Variants in DPY19L2 observed in about 807,000 individuals in gnomAD.
DPY19L2 encodes dpy-19 like 2.
DPY19L2 carries 34 observed loss-of-function variants against 97.9 expected under a neutral mutation model. That is an observed-to-expected ratio of 0.35 (90% CI 0.26 to 0.46). The LOEUF (loss-of-function observed/expected upper bound fraction) is 0.46. Ranked by LOEUF, DPY19L2 falls within the 20% of genes least tolerant of loss-of-function variation. The probability of loss-of-function intolerance (pLI) is 1.00; values close to 1 mark genes in which losing one functional copy is unlikely to be tolerated. For missense variants in DPY19L2, 623 were observed against 911.4 expected (o/e 0.68, Z 4.07); for synonymous variants, 230 against 307.9 (o/e 0.75, Z 2.65).
intron 4 of DPY19L2, among the ~76,000 whole-genome samples, chr12:63,650,573 T>C (rs999377603): frequency 3.9e-5 from 6 of 152,026 alleles, no homozygotes; most frequent in African/African-American, 7.2e-5. Flanking sequence ...TCATTCACAA[T>C]AGCCACAAAA....
At chr12:63,607,144 T>G (rs1209300007) in intron 12 of DPY19L2, among the ~76,000 whole-genome samples, 1 of 152,290 alleles carries the variant, frequency 6.6e-6, no homozygotes, top group Non-Finnish European at 1.5e-5. Context: ...GGTCAATTCA[T>G]GTTCTTTCCA....
At chr12:63,645,173 A>ATACTT (rs1893242167) in intron 5 of DPY19L2, among the ~76,000 whole-genome samples, 2 of 152,176 alleles carry the variant, frequency 1.3e-5, no homozygotes, top group South Asian at 4.1e-4. Flanking sequence ...TGGTATAAAC[A>ATACTT]TACTTTTCTT....
At chr12:63,605,678 C>G (rs1052101498) in intron 12 of DPY19L2, among the ~76,000 whole-genome samples, 1 of 152,078 alleles carries the variant, frequency 6.6e-6, no homozygotes, top group Admixed American at 6.5e-5. Context: ...GATTCCAAGG[C>G]TAGCACAAGG....
chr12:63,646,374 A>G (rs1256172451), intron 5 of DPY19L2, among the ~76,000 whole-genome samples: 2 of 152,092 alleles, frequency 1.3e-5, no homozygotes, highest in Non-Finnish European at 2.9e-5. Flanking sequence ...AATCCTTTAC[A>G]TTGTACACAA....
At chr12:63,600,611 CTTT>C (rs71434019) in intron 12 of DPY19L2, among the ~76,000 whole-genome samples, 544 of 110,560 alleles carry the variant, frequency 4.9e-3, no homozygotes, top group African/African-American at 0.012. Flanking sequence ...TATCCTAAAT[CTTT>C]TTTTTTTTTT....
chr12:63,637,389 C>A (rs1021249344), intron 6 of DPY19L2, among the ~76,000 whole-genome samples: 3 of 151,246 alleles, frequency 2.0e-5, no homozygotes, highest in African/African-American at 7.3e-5. Context: ...GATAGAGACA[C>A]AAAAAACTCT....
At chr12:63,653,233 A>G (rs10878070) in intron 4 of DPY19L2, among the ~76,000 whole-genome samples, 94,083 of 151,638 alleles carry the variant, frequency 0.62, 29,353 homozygotes, top group East Asian at 0.74. Flanking sequence ...GGAAGGAGAC[A>G]GGAAAGAGGC....
chr12:63,563,048 CA>C lies in DPY19L2; in HGVS notation c.2127-2387del, dbSNP rs1876932443. ...CTGACCTCAGGTGATCCACCCGCCT[CA>C]GCCTCCTCAAATCCTGGGATTACAG... is the stretch of plus-strand genomic sequence containing the variant. On this transcript the variant is annotated intron_variant, in intron 21 of 21. Coordinates refer to ENST00000324472, the MANE Select transcript of DPY19L2 (RefSeq NM_173812.5). Among the ~76,000 whole-genome samples the C allele has an allele frequency of 2.6e-5, 4 of 152,182 alleles. No homozygotes were observed. In the South Asian group the frequency reaches 8.3e-4, roughly 32 times the overall value.
intron 6 of DPY19L2, among the ~76,000 whole-genome samples, chr12:63,640,516 T>G (rs1207749005): frequency 6.6e-6 from 1 of 152,172 alleles, no homozygotes; most frequent in African/African-American, 2.4e-5. Flanking sequence ...GCGGAATATC[T>G]ACCTTCCCAG....
chr12:63,665,824 C>G lies in DPY19L2; in HGVS notation c.362+11G>C. On this transcript the variant is annotated intron_variant, in intron 2 of 21. Transcript: ENST00000324472. ...TGTTTTTAAATATTTCAAACTGAAA[C>G]TAAATCTTACCAATGTAAAATTGCC... The G allele has an allele frequency of 6.3e-7, 1 of 1,576,460 alleles. No individual in the cohort carries two copies. The highest frequency in any genetic ancestry group is 1.2e-5 in the South Asian group (1 of 86,372).
intron 8 of DPY19L2, among the ~76,000 whole-genome samples, chr12:63,622,504 T>G (rs758318096): frequency 6.6e-6 from 1 of 152,206 alleles, no homozygotes; most frequent in Non-Finnish European, 1.5e-5. Context: ...GCCACCCCAG[T>G]ACACTACTAT....
At chr12:63,648,241 G>A (rs1486796518) in intron 4 of DPY19L2, among the ~76,000 whole-genome samples, 2 of 152,084 alleles carry the variant, frequency 1.3e-5, no homozygotes, top group Non-Finnish European at 2.9e-5. Flanking sequence ...TTAGACTCCA[G>A]AATTGTGAGA....
intron 2 of DPY19L2, 96 bp from the exon 3 acceptor site, chr12:63,663,941 A>G (rs969857603): frequency 5.2e-6 from 4 of 773,118 alleles, no homozygotes; most frequent in Non-Finnish European, 8.2e-6. Context: ...AAAACAATAA[A>G]TTGTTATATT....
intron 1 of DPY19L2, among the ~76,000 whole-genome samples, chr12:63,667,829 C>T (rs1196189432): frequency 6.6e-6 from 1 of 152,128 alleles, no homozygotes; most frequent in Non-Finnish European, 1.5e-5. Flanking sequence ...AACTCCTAGA[C>T]CTTAAAACAC....
intron 13 of DPY19L2, among the ~76,000 whole-genome samples, chr12:63,599,292 C>A (rs577132243): frequency 6.6e-6 from 1 of 150,826 alleles, no homozygotes; most frequent in African/African-American, 2.4e-5. Context: ...ACTTAGAAGG[C>A]CTAAATAAAG....
At chr12:63,610,061 T>A (rs1475878550) in intron 11 of DPY19L2, among the ~76,000 whole-genome samples, 1 of 149,258 alleles carries the variant, frequency 6.7e-6, no homozygotes, top group Non-Finnish European at 1.5e-5. Context: ...GGAAAATCTC[T>A]ATGAACTGAT....
intron 6 of DPY19L2, among the ~76,000 whole-genome samples, chr12:63,637,554 CAA>C (rs1891947308): frequency 6.6e-6 from 1 of 152,058 alleles, no homozygotes; most frequent in African/African-American, 2.4e-5. Context: ...CTCAGAAATA[CAA>C]ACTACCATCA....
At chr12:63,562,916 C>A (rs1485108958) in intron 21 of DPY19L2, among the ~76,000 whole-genome samples, 1 of 152,016 alleles carries the variant, frequency 6.6e-6, no homozygotes, top group Non-Finnish European at 1.5e-5. Flanking sequence ...CTGCTTCAGC[C>A]TCCCGAGTAG....
chr12:63,620,111 G>T, intron 9 of DPY19L2: 1 of 349,862 alleles, frequency 2.9e-6, no homozygotes, highest in Non-Finnish European at 5.6e-6. Flanking sequence ...ATCAGCATTT[G>T]TTATGTAGGA....
Sources: gnomAD v4.1 joint callset for allele counts (sites outside exome capture counted in the v4.1 genomes callset) on GRCh38, gnomAD v4.1.1 for gene constraint, MANE v1.5 for transcripts, NCBI Gene and HGNC (gene_info 2026-07-23, HGNC 2026-07-21) for gene names.